Variants in DMD observed in about 807,000 individuals in gnomAD.
The protein encoded by DMD is mutant dystrophin.
A neutral mutation model predicts 330.1 loss-of-function variants in DMD; 63 were observed. The observed-to-expected ratio is 0.19, with a 90% CI of 0.16 to 0.24. The LOEUF (loss-of-function observed/expected upper bound fraction) is 0.24. DMD is among the 10% of genes least tolerant of loss of function. DMD has a pLI of 1.00. For missense variants in DMD, 3,344 were observed against 2,684.1 expected, an observed-to-expected ratio of 1.25 and a Z score of -5.43; for synonymous variants, 1,223 against 959.8, an observed-to-expected ratio of 1.27 and a Z score of -5.07.
At chrX:31,165,189 T>A (rs768330365) in intron 74 of DMD, among the ~76,000 whole-genome samples, 12 of 112,349 alleles carry the variant, frequency 1.1e-4, no homozygotes, top group Admixed American at 1.0e-3. Flanking sequence ...TTCAGTGGTA[T>A]CAGTAACTGA....
chrX:31,711,411 C>A (rs1246297958), intron 52 of DMD, among the ~76,000 whole-genome samples: 3 of 111,993 alleles, frequency 2.7e-5, no homozygotes, highest in Non-Finnish European at 5.6e-5. Context: ...TTCAGCCAAT[C>A]TCCGGTTTTT....
intron 2 of DMD, among the ~76,000 whole-genome samples, chrX:32,932,227 G>A (rs923092052): frequency 1.1e-4 from 12 of 112,154 alleles, no homozygotes; most frequent in African/African-American, 3.9e-4. Flanking sequence ...TTTGTAAGGT[G>A]GGGTCACAAA....
In DMD at chrX:32,565,831, A is replaced by G; in HGVS notation, c.1863T>C (p.Tyr621=). 8.3e-7 allele frequency: 1 copy of G among 1,211,460 alleles called. No homozygotes were observed. The highest frequency in any genetic ancestry group is 1.1e-6 in the Non-Finnish European group (1 of 895,231). ...EKKKQSMGKL[Y]SLKQDLLSTL... is the part of the protein sequence containing the mutation. ...TTGAAAGAAGATCTTGTTTGAGTGA[A>G]TACAGTTTGCCCATGGATTGCTTTT... The change falls in exon 16 of 79, where the codon TAT becomes TAC. Residue 621 remains tyrosine, a synonymous_variant. Transcript: ENST00000357033.
intron 7 of DMD, among the ~76,000 whole-genome samples, chrX:32,709,239 G>C (rs752455679): frequency 9.0e-6 from 1 of 111,594 alleles, no homozygotes; most frequent in South Asian, 3.8e-4. Flanking sequence ...ATTTACAGAA[G>C]TGAAGATAAT....
chrX:31,667,788 A>G (rs1569202629), intron 53 of DMD, among the ~76,000 whole-genome samples: 4 of 111,364 alleles, frequency 3.6e-5, no homozygotes, highest in African/African-American at 9.8e-5. Flanking sequence ...CCATAAATAT[A>G]TATACCTACT....
intron 47 of DMD, among the ~76,000 whole-genome samples, chrX:31,900,527 C>G (rs1467852147): frequency 3.6e-5 from 4 of 111,540 alleles, no homozygotes; most frequent in Non-Finnish European, 7.5e-5. Flanking sequence ...GTCCATTAAA[C>G]CTCTTTCTTT....
chrX:33,243,192 A>G (rs2052615089), intron 1 of DMD, among the ~76,000 whole-genome samples: 1 of 111,924 alleles, frequency 8.9e-6, no homozygotes, highest in African/African-American at 3.2e-5. Context: ...AATGTCTAGA[A>G]GGGTTTTTCC....
At chrX:32,390,256 A>G (rs1349310267) in intron 30 of DMD, 75 bp from the exon 31 acceptor site, 3 of 781,589 alleles carry the variant, frequency 3.8e-6, no homozygotes, top group African/African-American at 4.1e-5. Context: ...CGAAATTCAG[A>G]AACTCTCCTC....
intron 74 of DMD, among the ~76,000 whole-genome samples, chrX:31,164,682 G>A (rs145704841): frequency 9.0e-6 from 1 of 110,715 alleles, no homozygotes; most frequent in Non-Finnish European, 1.9e-5. Context: ...TGATTTCCTC[G>A]TTCCAGCATC....
chrX:31,135,529 G>A (rs967903454), intron 76 of DMD, among the ~76,000 whole-genome samples: 1 of 111,753 alleles, frequency 8.9e-6, no homozygotes, highest in Non-Finnish European at 1.9e-5. Context: ...CTGTTTATGT[G>A]AGGAGAGAAT....
chrX:32,573,940 C>A lies in DMD; in HGVS notation c.1603-94G>T, dbSNP rs942436638. The A allele has an allele frequency of 4.5e-6, 3 of 668,659 alleles. No individual in the cohort carries two copies. In the African/African-American group the frequency reaches 6.5e-5, roughly 14 times the overall value. The allele number at this position is 668,659 out of a possible 1,213,427, so 55.1% of individuals were successfully genotyped here. A position where few individuals can be genotyped will look rare whatever the true frequency, so the allele number is the denominator to read the frequency against. On this transcript the variant is annotated intron_variant, in intron 13 of 78. Coordinates refer to ENST00000357033, the MANE Select transcript of DMD (RefSeq NM_004006.3). ...GAATAATTTGCCAAAGTATCTCAGT[C>A]TCCTATGTACGCTAGAAGTTGGAAG...
chrX:31,649,066 G>C (rs1226470279), intron 54 of DMD, among the ~76,000 whole-genome samples: 2 of 111,360 alleles, frequency 1.8e-5, no homozygotes, highest in African/African-American at 6.5e-5. Flanking sequence ...GGGTATTGTA[G>C]CTAACATTAA....
intron 11 of DMD, among the ~76,000 whole-genome samples, chrX:32,626,629 T>G (rs1397826232): frequency 9.6e-6 from 1 of 104,402 alleles, no homozygotes; most frequent in East Asian, 2.8e-4. Context: ...TAAAATCAAC[T>G]TTGTTTCAGC....
intron 62 of DMD, among the ~76,000 whole-genome samples, chrX:31,311,629 G>A (rs946214712): frequency 2.2e-4 from 24 of 111,064 alleles, no homozygotes; most frequent in African/African-American, 7.5e-4. Flanking sequence ...TTGGCTATAC[G>A]GGGTCTTCTT....
In DMD at chrX:33,020,214, T is replaced by TA; in HGVS notation, c.32-15dup. On this transcript the variant is annotated splice_polypyrimidine_tract_variant and intron_variant, in intron 1 of 78. Coordinates refer to ENST00000357033, the MANE Select transcript of DMD (RefSeq NM_004006.3). ...CTTCTCTTTCATCTAAAATGCAAAA[T>TA]AAAAAAATAAAAGTTAGGAAGCAAC... is the stretch of plus-strand genomic sequence containing the variant. 1 of 1,110,741 alleles carries TA rather than the reference T, an allele frequency of 9.0e-7. No homozygotes were observed. The highest frequency in any genetic ancestry group is 1.2e-6 in the Non-Finnish European group (1 of 813,679). The allele number at this position is 1,110,741 out of a possible 1,213,427, so 91.5% of individuals were successfully genotyped here. A position where few individuals can be genotyped will look rare whatever the true frequency, so the allele number is the denominator to read the frequency against.
chrX:33,156,890 T>C (rs2048531589), intron 1 of DMD, among the ~76,000 whole-genome samples: 1 of 111,433 alleles, frequency 9.0e-6, no homozygotes, highest in African/African-American at 3.3e-5. Flanking sequence ...AATTCAAACG[T>C]TTGGGTACCT....
At chrX:31,510,659 C>A (rs1008514358) in intron 55 of DMD, among the ~76,000 whole-genome samples, 5 of 109,161 alleles carry the variant, frequency 4.6e-5, no homozygotes, top group Admixed American at 9.8e-5. Context: ...AGGCGCCCGC[C>A]ACCACGCCTG....
intron 44 of DMD, among the ~76,000 whole-genome samples, chrX:32,146,925 C>G (rs2096780813): frequency 8.9e-6 from 1 of 112,396 alleles, no homozygotes; most frequent in Non-Finnish European, 1.9e-5. Context: ...ACCAGAACAA[C>G]TGACAGCAGA....
intron 27 of DMD, among the ~76,000 whole-genome samples, chrX:32,444,256 G>C (rs1479161851): frequency 9.1e-6 from 1 of 109,854 alleles, no homozygotes; most frequent in Non-Finnish European, 1.9e-5. Context: ...GAAAAATAAA[G>C]ATCCACCCAT....
Sources: allele counts gnomAD v4.1 joint callset (sites outside exome capture counted in the v4.1 genomes callset), GRCh38; gene constraint gnomAD v4.1.1; transcripts MANE v1.5; gene names NCBI Gene and HGNC (gene_info 2026-07-23, HGNC 2026-07-21).